The following ZBTB43 variants were observed in gnomAD, a reference collection of about 807,000 sequenced individuals.
The protein encoded by ZBTB43 is zinc finger and BTB domain-containing protein 43.
In ZBTB43, 6 loss-of-function variants were observed where a neutral mutation model predicts 31.1. That is an observed-to-expected ratio of 0.19 (90% CI 0.11 to 0.38). ZBTB43 has a LOEUF of 0.38. Ranked by LOEUF, ZBTB43 falls within the 10% of genes least tolerant of loss-of-function variation. ZBTB43 has a pLI of 1.00. For missense variants in ZBTB43, 379 were observed against 602.1 expected (o/e 0.63, Z 3.88); for synonymous variants, 212 against 221.7 (o/e 0.96, Z 0.39).
intron 2 of ZBTB43, among the ~76,000 whole-genome samples, chr9:126,815,658 CT>C (rs200516560): frequency 0.52 from 63,647 of 122,402 alleles, 16,034 homozygotes; most frequent in Middle Eastern, 0.68. Context: ...CTCTCTCTCT[CT>C]TTTTTTTTTT....
At chr9:126,831,252 G>T (rs1000531265) in intron 2 of ZBTB43, among the ~76,000 whole-genome samples, 10 of 152,160 alleles carry the variant, frequency 6.6e-5, no homozygotes, top group Admixed American at 2.0e-4. Context: ...CTGCCTCGGA[G>T]CCTTTGCGTA....
intron 2 of ZBTB43, among the ~76,000 whole-genome samples, chr9:126,827,621 C>G (rs1406672689): frequency 6.6e-6 from 1 of 152,302 alleles, no homozygotes; most frequent in East Asian, 1.9e-4. Context: ...AGGAACCAAC[C>G]CATGGAGCTT....
intron 2 of ZBTB43, among the ~76,000 whole-genome samples, chr9:126,830,385 CCTGTCATTCCAGCA>C (rs1564206932): frequency 1.3e-5 from 2 of 152,222 alleles, no homozygotes; most frequent in Non-Finnish European, 2.9e-5. Flanking sequence ...GTGGCTCACG[CCTGTCATTCCAGCA>C]CTTTGGGAGG....
upstream of ZBTB43, among the ~76,000 whole-genome samples, chr9:126,804,469 G>C (rs1229366292): frequency 6.6e-6 from 1 of 150,852 alleles, no homozygotes; most frequent in Non-Finnish European, 1.5e-5. Context: ...GAAGGTCAAG[G>C]TGTTTTTGTT....
chr9:126,810,409 G>T (rs2032219034), intron 2 of ZBTB43, among the ~76,000 whole-genome samples: 1 of 150,234 alleles, frequency 6.7e-6, no homozygotes, highest in Non-Finnish European at 1.5e-5. Context: ...GGCCAGGCCA[G>T]TCTCAAACTC....
chr9:126,812,950 C>T (rs1010789193), intron 2 of ZBTB43, among the ~76,000 whole-genome samples: 3 of 151,686 alleles, frequency 2.0e-5, no homozygotes, highest in Non-Finnish European at 4.4e-5. Context: ...TCATCAATGC[C>T]ACCCCTTTTC....
intron 2 of ZBTB43, among the ~76,000 whole-genome samples, chr9:126,828,815 G>C (rs7027353): frequency 1.3e-5 from 2 of 151,630 alleles, no homozygotes; most frequent in African/African-American, 4.9e-5. Context: ...TTATCACAAC[G>C]TAGGATAAAG....
intron 2 of ZBTB43, among the ~76,000 whole-genome samples, chr9:126,813,051 G>T (rs2032284038): frequency 6.6e-6 from 1 of 151,522 alleles, no homozygotes. Context: ...CATGATCTCG[G>T]CTCACTGCAA....
In ZBTB43 at chr9:126,836,463, T is replaced by A. The variant is rs2032880732; in HGVS notation, c.*2550T>A. Reference sequence around the variant, plus strand: ...TATCAGGCAGCCAGAGCCTGGGAGGTGGTAGGGTGTCTGAAATGCTGGCCA... The same window carrying A: ...TATCAGGCAGCCAGAGCCTGGGAGGAGGTAGGGTGTCTGAAATGCTGGCCA... On this transcript the variant is annotated 3_prime_UTR_variant, in exon 3 of 3. Coordinates refer to ENST00000373464, the MANE Select transcript of ZBTB43 (RefSeq NM_014007.4). 1 of 166,588 alleles carries A rather than the reference T, an allele frequency of 6.0e-6. No individual in the cohort carries two copies. Among genetic ancestry groups the A allele is most frequent in the South Asian group, 2.1e-4 (1 of 4,780 alleles). The allele number at this position is 166,588 out of a possible 1,614,324, so 10.3% of individuals were successfully genotyped here.
At chr9:126,828,385 G>A (rs779581745) in intron 2 of ZBTB43, among the ~76,000 whole-genome samples, 63 of 151,684 alleles carry the variant, frequency 4.2e-4, no homozygotes, top group African/African-American at 1.4e-3. Context: ...GGGTTTCACC[G>A]TGTTAGCCAG....
intron 2 of ZBTB43, among the ~76,000 whole-genome samples, chr9:126,814,422 T>G (rs917928920): frequency 6.7e-6 from 1 of 150,200 alleles, no homozygotes; most frequent in African/African-American, 2.5e-5. Context: ...TTGCTTGACT[T>G]TTGTTTTCAT....
At chr9:126,816,245 G>A (rs536020160) in intron 2 of ZBTB43, among the ~76,000 whole-genome samples, 150 of 151,774 alleles carry the variant, frequency 9.9e-4, no homozygotes, top group Non-Finnish European at 2.0e-3. Context: ...TTGTATTTTA[G>A]TAGAAGGTCC....
In ZBTB43 at chr9:126,834,043, GAAAGACCAGCTCTA is replaced by G; in HGVS notation, c.*132_*145del. 9.2e-7 allele frequency: 1 copy of G among 1,092,488 alleles called. No individual in the cohort carries two copies. The highest frequency in any genetic ancestry group is 2.6e-5 in the East Asian group (1 of 39,150). 67.7% of individuals were successfully genotyped at this position (1,092,488 alleles called of 1,614,324 possible). ...TAAAAAAAAAAAGGAAGATATTTCT[GAAAGACCAGCTCTA>G]AGTAGGCCAATTAAAAAAATCTAAT... On this transcript the variant is annotated 3_prime_UTR_variant, in exon 3 of 3. Transcript: ENST00000373464.
At position 126,817,470 on chromosome 9, in the gene ZBTB43, C is replaced by G. The variant is rs536961348; in HGVS notation, c.-24+8555C>G. 5.6e-4 allele frequency among the ~76,000 whole-genome samples: 83 copies of G among 147,680 alleles called. 1 individual carries two copies. The highest frequency in any genetic ancestry group is 2.0e-3 in the African/African-American group (80 of 40,248). On this transcript the variant is annotated intron_variant, in intron 2 of 2. Transcript: ENST00000373464. Reference sequence around the variant, plus strand: ...CCCATAATACATTGAATATAATGTTCCATGAAGTTTTTTTTTTTTTTTTGA... The same window carrying G: ...CCCATAATACATTGAATATAATGTTGCATGAAGTTTTTTTTTTTTTTTTGA...
At chr9:126,832,381 C>G in intron 2 of ZBTB43, 106 bp from the exon 3 acceptor site, 1 of 1,096,952 alleles carries the variant, frequency 9.1e-7, no homozygotes, top group Non-Finnish European at 1.3e-6. Context: ...GGCCCATAGG[C>G]TAGAGGACTT....
At chr9:126,820,869 G>A (rs1330471762) in intron 2 of ZBTB43, among the ~76,000 whole-genome samples, 1 of 149,730 alleles carries the variant, frequency 6.7e-6, no homozygotes, top group Admixed American at 6.8e-5. Context: ...CCAGGATGCA[G>A]AGGTGGGAGG....
At chr9:126,810,854 T>C (rs1259351092) in intron 2 of ZBTB43, among the ~76,000 whole-genome samples, 3 of 151,902 alleles carry the variant, frequency 2.0e-5, no homozygotes, top group Non-Finnish European at 1.5e-5. Context: ...TGTGAATGCA[T>C]TGTATATAAT....
intron 2 of ZBTB43, among the ~76,000 whole-genome samples, chr9:126,817,708 T>G (rs1384194030): frequency 6.6e-6 from 1 of 151,950 alleles, no homozygotes; most frequent in African/African-American, 2.4e-5. Context: ...GATCTCCTGA[T>G]CTCGTGATCC....
At chr9:126,818,040 C>T (rs1395839385) in intron 2 of ZBTB43, among the ~76,000 whole-genome samples, 1 of 151,642 alleles carries the variant, frequency 6.6e-6, no homozygotes, top group Non-Finnish European at 1.5e-5. Context: ...TTATGTCTTC[C>T]AATCCATAAA....
Sources: gnomAD v4.1 joint callset for allele counts (sites outside exome capture counted in the v4.1 genomes callset) on GRCh38, gnomAD v4.1.1 for gene constraint, MANE v1.5 for transcripts, NCBI Gene and HGNC (gene_info 2026-07-23, HGNC 2026-07-21) for gene names.